The following CEP295NL variants were observed in gnomAD, a reference collection of about 807,000 sequenced individuals.
CEP295NL encodes protein DDC8 homolog.
Under a neutral mutation model 4.6 loss-of-function variants are expected in CEP295NL, and 3 were observed. The observed-to-expected ratio is 0.65, with a 90% CI of 0.30 to 1.69. The LOEUF (loss-of-function observed/expected upper bound fraction) is 1.69, where lower values mean the gene tolerates loss of function less well. Among genes scored for constraint, CEP295NL ranks in the 40% most tolerant of loss-of-function variants. The probability of loss-of-function intolerance (pLI) is 0.10; values close to 1 mark genes in which losing one functional copy is unlikely to be tolerated. For synonymous variants in CEP295NL, 295 were observed against 312.2 expected, an observed-to-expected ratio of 0.94 and a Z score of 0.58; for missense variants, 719 against 769.0, an observed-to-expected ratio of 0.93 and a Z score of 0.77.
rs149512341 is a variant in CEP295NL, at chr17:78,890,984, G to A, written c.1520C>T (p.Ala507Val). The part of the protein sequence containing the change: ...GSTASRQRQK[A>V]EMEQRRQKQL... ...TTTTTGTCTTCTCTGCTCCATCTCT[G>A]CTTTCTGCCTTTGCCTGGATGCCGT... Residue 507 changes from alanine (A) to valine (V), a missense_variant, in exon 3 of 3, where the codon GCA becomes GTA. Coordinates refer to ENST00000322630, the MANE Select transcript of CEP295NL (RefSeq NM_001243540.2). 7.1e-6 allele frequency: 11 copies of A among 1,551,154 alleles called. No individual in the cohort carries two copies. The highest frequency in any genetic ancestry group is 5.5e-5 in the African/African-American group (4 of 73,122).
In CEP295NL at chr17:78,891,526, T is replaced by C; in HGVS notation, c.978A>G (p.Ala326=). The part of the protein sequence containing the change: ...SSCRREAVSP[A]SQCTLREKNK... ...TCTTCTCCCGGAGCGTGCACTGAGA[T>C]GCTGGGGACACGGCTTCCCTTCTGC... The change falls in exon 3 of 3, where the codon GCA becomes GCG. Residue 326 remains alanine, a synonymous_variant. Transcript: ENST00000322630. This position sits in a 1 kb window ranked among gnomAD's most constrained non-coding sequence, Gnocchi z 4.5. 6.4e-7 allele frequency: 1 copy of C among 1,551,104 alleles called. No individual in the cohort carries two copies. Among genetic ancestry groups the C allele is most frequent in the Non-Finnish European group, 8.7e-7 (1 of 1,147,108 alleles).
Position 78,894,819 on chromosome 17 carries a change from G to GA in CEP295NL, c.45-2361dup, listed in dbSNP as rs1000384917. The stretch of plus-strand genomic sequence containing the variant: ...AAGCTGAACATCATCAAAATTAAAA[G>GA]AAAAAAAAAACCTTTGTGCTTCAAA... On this transcript the variant is annotated intron_variant, in intron 2 of 2. Coordinates refer to ENST00000322630, the MANE Select transcript of CEP295NL (RefSeq NM_001243540.2). 1.2e-3 allele frequency among the ~76,000 whole-genome samples: 180 copies of GA among 146,596 alleles called. 1 individual carries two copies. The highest frequency in any genetic ancestry group is 3.3e-3 in the African/African-American group (131 of 40,114).
At chr17:78,902,401 C>T (rs2070108555) in intron 1 of CEP295NL, among the ~76,000 whole-genome samples, 1 of 152,218 alleles carries the variant, frequency 6.6e-6, no homozygotes, top group South Asian at 2.1e-4. Flanking sequence ...AGCCACCATG[C>T]CCAGCCTGCA....
chr17:78,893,337 ATGTGTGTGCAGGGG>A (rs1365429279), intron 2 of CEP295NL, among the ~76,000 whole-genome samples: 12 of 101,740 alleles, frequency 1.2e-4, no homozygotes, highest in South Asian at 7.1e-4. Context: ...GTCTCCATGC[ATGTGTGTGCAGGGG>A]TGTGTGTGCA....
At position 78,890,696 on chromosome 17, in the gene CEP295NL, T is replaced by C; in HGVS notation, c.1808A>G (p.His603Arg). The change falls in exon 3 of 3, where the codon CAC (histidine) becomes CGC (arginine). Residue 603 changes from histidine to arginine, a missense_variant. Coordinates refer to ENST00000322630, the MANE Select transcript of CEP295NL (RefSeq NM_001243540.2). Reference sequence around the variant, plus strand: ...CCGGGCTTCTTCAAGAAACTGCTTGTGCAACCTGTTTTGCTGTAAGATCTG... The same window carrying C: ...CCGGGCTTCTTCAAGAAACTGCTTGCGCAACCTGTTTTGCTGTAAGATCTG... ...QQQILQQNRLHKQFLEEARKC... is the reference protein window; with the variant it reads ...QQQILQQNRLRKQFLEEARKC... 6.4e-7 allele frequency: 1 copy of C among 1,550,634 alleles called. No individual in the cohort carries two copies. The highest frequency in any genetic ancestry group is 8.7e-7 in the Non-Finnish European group (1 of 1,146,990).
At chr17:78,902,171 A>G (rs1413255438) in intron 1 of CEP295NL, among the ~76,000 whole-genome samples, 1 of 152,124 alleles carries the variant, frequency 6.6e-6, no homozygotes, top group Non-Finnish European at 1.5e-5. Context: ...CAGTGGTGCG[A>G]TCTCAGCTTA....
At chr17:78,898,319 A>C (rs958031679) in intron 2 of CEP295NL, 2 of 152,292 alleles carry the variant, frequency 1.3e-5, no homozygotes, top group African/African-American at 2.4e-5. Flanking sequence ...TCAGGGCAGC[A>C]GGGATTCCGG....
At chr17:78,893,476 GGT>G (rs1414422019) in intron 2 of CEP295NL, among the ~76,000 whole-genome samples, 1 of 143,394 alleles carries the variant, frequency 7.0e-6, no homozygotes, top group Non-Finnish European at 1.5e-5. Context: ...TGTGCATAGC[GGT>G]GTGTGTGCAG....
rs1024782631 is a variant in CEP295NL, at chr17:78,890,965, T to G, written c.1539A>C (p.Arg513Ser). Reference protein sequence around the residue: ...QRQKAEMEQRRQKQLESLEQM... With the variant: ...QRQKAEMEQRSQKQLESLEQM... Reference sequence around the variant, plus strand: ...GTTCAAGCGATTCCAGTTGTTTTTGTCTTCTCTGCTCCATCTCTGCTTTCT... The same window carrying G: ...GTTCAAGCGATTCCAGTTGTTTTTGGCTTCTCTGCTCCATCTCTGCTTTCT... The change falls in exon 3 of 3, where the codon AGA becomes AGC. Residue 513 changes from arginine (R) to serine (S), a missense_variant. Arg to Ser is a moderately radical substitution (Grantham distance 110). Transcript: ENST00000322630. The G allele has an allele frequency of 1.3e-6, 2 of 1,551,068 alleles. No individual in the cohort carries two copies. The highest frequency in any genetic ancestry group is 1.7e-6 in the Non-Finnish European group (2 of 1,147,140).
chr17:78,892,249 G>C lies in CEP295NL; in HGVS notation c.255C>G (p.Ala85=). ...LWRKKHKLLQ[A]RGKGDLALQR... is the part of the protein sequence containing the mutation. ...GCAGAGCGAGATCGCCTTTGCCCCG[G>C]GCTTGTAGCAATTTGTGCTTTTTCC... Residue 85 remains alanine (A), a synonymous_variant, in exon 3 of 3, where the codon GCC becomes GCG. Transcript: ENST00000322630. 2 of 1,550,868 alleles carry C rather than the reference G, an allele frequency of 1.3e-6. No individual in the cohort carries two copies. The highest frequency in any genetic ancestry group is 1.4e-5 in the African/African-American group (1 of 73,164).
At chr17:78,895,522 C>T (rs141217534) in intron 2 of CEP295NL, among the ~76,000 whole-genome samples, 21 of 152,242 alleles carry the variant, frequency 1.4e-4, no homozygotes, top group African/African-American at 2.6e-4. Flanking sequence ...ACCCTGTGCA[C>T]GCTGCTGGTG....
At chr17:78,902,330 A>G (rs113573993) in intron 1 of CEP295NL, among the ~76,000 whole-genome samples, 12,599 of 152,084 alleles carry the variant, frequency 0.083, 540 homozygotes, top group Middle Eastern at 0.13. Flanking sequence ...CTGGTTACAA[A>G]CTCCTGACCT....
In CEP295NL at chr17:78,896,146, G is replaced by A. The variant is rs930934547; in HGVS notation, c.45-3687C>T. ...CTCTGACACCATCAGATGCAACCTC[G>A]TCCCCGCTACCCCAGCTCTCCTTGC... On this transcript the variant is annotated intron_variant, in intron 2 of 2. Transcript: ENST00000322630. This position sits in a 1 kb window ranked among gnomAD's most constrained non-coding sequence, Gnocchi z 4.4. Among the ~76,000 whole-genome samples the A allele has an allele frequency of 1.1e-4, 17 of 152,110 alleles. No individual in the cohort carries two copies. The highest frequency in any genetic ancestry group is 2.7e-4 in the African/African-American group (11 of 41,418).
intron 2 of CEP295NL, among the ~76,000 whole-genome samples, chr17:78,893,418 G>T (rs574667400): frequency 1.8e-5 from 2 of 108,250 alleles, no homozygotes; most frequent in African/African-American, 1.0e-4. Flanking sequence ...TGTGCATAGG[G>T]GTGTGTGTGC....
chr17:78,893,405 G>GTGTGCGCGTAGGGGTA (rs139652180), intron 2 of CEP295NL, among the ~76,000 whole-genome samples: 4 of 128,298 alleles, frequency 3.1e-5, no homozygotes, highest in African/African-American at 1.4e-4. Flanking sequence ...ATGCAGGGGT[G>GTGTGCGCGTAGGGGTA]TGTGTGCATA....
chr17:78,893,282 C>G (rs563992412), intron 2 of CEP295NL, among the ~76,000 whole-genome samples: 2 of 64,670 alleles, frequency 3.1e-5, no homozygotes, highest in African/African-American at 1.5e-4. Flanking sequence ...TAGGGGTGTG[C>G]GGGCAAGGGT....
At position 78,891,984 on chromosome 17, in the gene CEP295NL, G is replaced by A; in HGVS notation, c.520C>T (p.Leu174Phe). The A allele has an allele frequency of 6.4e-7, 1 of 1,550,660 alleles. No homozygotes were observed. Among genetic ancestry groups the A allele is most frequent in the African/African-American group, 1.4e-5 (1 of 73,140 alleles). Residue 174 changes from leucine (L) to phenylalanine (F), a missense_variant, in exon 3 of 3, where the codon CTT becomes TTT. Coordinates refer to ENST00000322630, the MANE Select transcript of CEP295NL (RefSeq NM_001243540.2). The surrounding 1 kb of genome is among the most constrained non-coding windows in gnomAD (Gnocchi z 4.5). The part of the protein sequence containing the change: ...PRAKEKHRAA[L>F]SEERSCREEL... ...TCCCTGCAACTCCTCTCTTCACTAA[G>A]GGCTGCTCTATGCTTCTCCTTGGCC...
intron 2 of CEP295NL, among the ~76,000 whole-genome samples, chr17:78,893,115 G>T (rs1011844473): frequency 2.0e-5 from 3 of 151,518 alleles, no homozygotes; most frequent in Admixed American, 6.6e-5. Context: ...GTGTGCACAT[G>T]CACATGTGTG....
intron 2 of CEP295NL, among the ~76,000 whole-genome samples, chr17:78,895,457 G>A (rs951310948): frequency 6.6e-6 from 1 of 152,160 alleles, no homozygotes; most frequent in Non-Finnish European, 1.5e-5. Context: ...AACGGCTGTC[G>A]TCAAAAAGAC....
Sources: gnomAD v4.1 joint callset for allele counts (sites outside exome capture counted in the v4.1 genomes callset) on GRCh38, gnomAD v4.1.1 for gene constraint, Gnocchi (gnomAD v3.1) non-coding constraint, MANE v1.5 for transcripts, NCBI Gene and HGNC (gene_info 2026-07-23, HGNC 2026-07-21) for gene names.